The following STAU1 variants were observed in gnomAD, a reference collection of about 807,000 sequenced individuals.
The protein encoded by STAU1 is double-stranded RNA-binding protein Staufen homolog 1.
STAU1 carries 13 observed loss-of-function variants against 62.9 expected under a neutral mutation model. That is an observed-to-expected ratio of 0.21 (90% CI 0.13 to 0.33). The LOEUF (loss-of-function observed/expected upper bound fraction) is 0.33, where lower values mean the gene tolerates loss of function less well. Ranked by LOEUF, STAU1 falls within the 10% of genes least tolerant of loss-of-function variation. The pLI, the probability that STAU1 is intolerant of heterozygous loss-of-function variation, is 1.00. For missense variants in STAU1, 571 were observed against 712.1 expected (o/e 0.80, Z 2.25); for synonymous variants, 269 against 265.1 (o/e 1.01, Z -0.14).
intron 3 of STAU1, among the ~76,000 whole-genome samples, chr20:49,160,458 T>TA: frequency 6.6e-6 from 1 of 152,334 alleles, no homozygotes; most frequent in Non-Finnish European, 1.5e-5. Flanking sequence ...TATATCATCT[T>TA]ACGCTACAGC....
intron 5 of STAU1, among the ~76,000 whole-genome samples, chr20:49,145,728 TAAAAA>T (rs1241552094): frequency 7.1e-6 from 1 of 141,604 alleles, no homozygotes; most frequent in Non-Finnish European, 1.5e-5. Context: ...GACTCCGTCT[TAAAAA>T]AAAAAAAGAA....
chr20:49,117,837 A>G lies in STAU1; in HGVS notation c.1449T>C (p.His483=). 1 of 1,614,182 alleles carries G rather than the reference A, an allele frequency of 6.2e-7. No individual in the cohort carries two copies. Among genetic ancestry groups the G allele is most frequent in the Non-Finnish European group, 8.5e-7 (1 of 1,180,038 alleles). The change falls in exon 11 of 14, where the codon CAT becomes CAC. Residue 483 remains histidine, a synonymous_variant. Transcript: ENST00000371856. The surrounding 1 kb of genome is among the most constrained non-coding windows in gnomAD (Gnocchi z 4.6). ...KNNISSGHVP[H]GPLTRPSEQL... ...GCTCAGAGGGTCTCGTGAGAGGTCC[A>G]TGGGGTACGTGGCCTGAAGAGATGT...
chr20:49,214,988 G>A, the STAU1 span, among the ~76,000 whole-genome samples: 1 of 152,182 alleles, frequency 6.6e-6, no homozygotes, highest in Admixed American at 6.6e-5. Flanking sequence ...CAGACAATTT[G>A]ACCTCACATA....
the STAU1 span, among the ~76,000 whole-genome samples, chr20:49,207,360 T>C: frequency 6.6e-6 from 1 of 152,114 alleles, no homozygotes; most frequent in East Asian, 1.9e-4. Flanking sequence ...AGGGGCTGAC[T>C]TGTGAGTGGA....
At position 49,117,692 on chromosome 20, in the gene STAU1, ACAAAGTT is replaced by A. The variant is rs1221617393; in HGVS notation, c.1509+78_1509+84del. The A allele has an allele frequency of 1.3e-5, 19 of 1,409,532 alleles. No homozygotes were observed. The highest frequency in any genetic ancestry group is 1.3e-4 in the African/African-American group (9 of 69,588). The allele number at this position is 1,409,532 out of a possible 1,614,324, so 87.3% of individuals were successfully genotyped here. On this transcript the variant is annotated intron_variant, in intron 11 of 13. Transcript: ENST00000371856. The surrounding 1 kb of genome is among the most constrained non-coding windows in gnomAD (Gnocchi z 4.6). The stretch of plus-strand genomic sequence containing the variant: ...ACAGAACTTGATTTAAGAAAAAAGT[ACAAAGTT>A]CAAAGTTCATTTTCTGAGAGAAGCC...
intron 6 of STAU1, chr20:49,134,727 A>C: frequency 9.0e-7 from 1 of 1,106,334 alleles, no homozygotes; most frequent in South Asian, 1.2e-5. Context: ...AAAAAACTCC[A>C]AAAGTGCAAT....
At chr20:49,216,033 A>AT in the STAU1 span, among the ~76,000 whole-genome samples, 1 of 104,576 alleles carries the variant, frequency 9.6e-6, no homozygotes, top group East Asian at 3.1e-4. Context: ...AAAAAAAAAA[A>AT]AAGAAGAAGA....
chr20:49,127,335 C>A lies in STAU1; in HGVS notation c.610-2748G>T, dbSNP rs2092651730. On this transcript the variant is annotated intron_variant, in intron 6 of 13. Coordinates refer to ENST00000371856, the MANE Select transcript of STAU1 (RefSeq NM_017453.4). Reference sequence around the variant, plus strand: ...CACCACTGCACTCCAGCCTGGACAACAAGAGCGAAACACCATCTCAAAAAT... The same window carrying A: ...CACCACTGCACTCCAGCCTGGACAAAAAGAGCGAAACACCATCTCAAAAAT... Among the ~76,000 whole-genome samples, 3 of 152,080 alleles carry A rather than the reference C, an allele frequency of 2.0e-5. No homozygotes were observed. In the South Asian group the frequency reaches 6.2e-4, roughly 32 times the overall value.
chr20:49,122,119 G>A (rs2092478136), intron 8 of STAU1, among the ~76,000 whole-genome samples: 2 of 152,166 alleles, frequency 1.3e-5, no homozygotes, highest in African/African-American at 4.8e-5. Context: ...TGCTATACAA[G>A]AGATAAGGAT....
At chr20:49,211,662 C>T in the STAU1 span, among the ~76,000 whole-genome samples, 1 of 151,964 alleles carries the variant, frequency 6.6e-6, no homozygotes, top group Admixed American at 6.6e-5. Context: ...CACATGACAC[C>T]ACACCTCATT....
chr20:49,192,373 A>G (rs2093832459), upstream of STAU1, among the ~76,000 whole-genome samples: 1 of 151,670 alleles, frequency 6.6e-6, no homozygotes, highest in East Asian at 1.9e-4. Flanking sequence ...AAAAAACAAG[A>G]GAAAAAAGAT....
chr20:49,120,096 C>T lies in STAU1; in HGVS notation c.999G>A (p.Thr333=), dbSNP rs944379488. ...GCTTGGCCACCTTCTTGTTGGTGCCCGTTCCTTCTGCAGTGTGGTTTCCAA... is the reference window on the plus strand; with the variant it reads ...GCTTGGCCACCTTCTTGTTGGTGCCTGTTCCTTCTGCAGTGTGGTTTCCAA... ...VKVGNHTAEG[T]GTNKKVAKRN... Residue 333 remains threonine (T), a synonymous_variant, in exon 9 of 14, where the codon ACG becomes ACA. Transcript: ENST00000371856. The T allele has an allele frequency of 8.7e-6, 14 of 1,613,970 alleles. No individual in the cohort carries two copies. The highest frequency in any genetic ancestry group is 2.7e-5 in the African/African-American group (2 of 74,910).
chr20:49,171,798 C>T (rs893359353), intron 2 of STAU1, among the ~76,000 whole-genome samples: 2 of 151,860 alleles, frequency 1.3e-5, no homozygotes, highest in African/African-American at 4.8e-5. Flanking sequence ...CTTATAGGAT[C>T]ATTTCCAAAA....
chr20:49,205,848 A>G, the STAU1 span, among the ~76,000 whole-genome samples: 1 of 140,858 alleles, frequency 7.1e-6, no homozygotes, highest in Non-Finnish European at 1.5e-5. Flanking sequence ...CTAATTTTGT[A>G]TTTTTAGTAG....
chr20:49,212,201 C>T, the STAU1 span, among the ~76,000 whole-genome samples: 1 of 152,202 alleles, frequency 6.6e-6, no homozygotes, highest in African/African-American at 2.4e-5. Context: ...GTTGCCCAGG[C>T]TGGTCTCCAA....
At chr20:49,204,592 TTATATATATATATATA>T in the STAU1 span, among the ~76,000 whole-genome samples, 2 of 45,644 alleles carry the variant, frequency 4.4e-5, no homozygotes, top group Non-Finnish European at 8.0e-5. Context: ...GGATTTTACA[TTATATATATATATATA>T]TATATATATA....
At chr20:49,169,021 G>A (rs1213163167) in intron 2 of STAU1, among the ~76,000 whole-genome samples, 2 of 150,044 alleles carry the variant, frequency 1.3e-5, no homozygotes, top group Admixed American at 1.3e-4. Context: ...TGTGATCTCC[G>A]CTCACTGCAA....
chr20:49,219,176 CT>C, the STAU1 span: 1 of 611,906 alleles, frequency 1.6e-6, no homozygotes, highest in Non-Finnish European at 2.9e-6. Context: ...CTCTCTCACC[CT>C]TCCACCCTCC....
At chr20:49,124,706 A>G in intron 6 of STAU1, 119 bp from the exon 7 acceptor site, 1 of 964,948 alleles carries the variant, frequency 1.0e-6, no homozygotes, top group South Asian at 1.4e-5. Context: ...AAGACCTACT[A>G]AATGAAAGGA....
Sources: gnomAD v4.1 joint callset for allele counts (sites outside exome capture counted in the v4.1 genomes callset) on GRCh38, gnomAD v4.1.1 for gene constraint, Gnocchi (gnomAD v3.1) non-coding constraint, MANE v1.5 for transcripts, NCBI Gene and HGNC (gene_info 2026-07-23, HGNC 2026-07-21) for gene names.